ACYP2: variants seen among roughly 807,000 people sequenced by gnomAD.
ACYP2 encodes the protein acylphosphatase 2, also known as acylphosphatase-2.
ACYP2 carries 12 observed loss-of-function variants against 11.2 expected under a neutral mutation model. That is an observed-to-expected ratio of 1.08 (90% confidence interval 0.69 to 1.74). ACYP2 has a LOEUF of 1.74. Among genes scored for constraint, ACYP2 ranks in the 40% most tolerant of loss-of-function variants. ACYP2 has a pLI of 0.00. For missense variants in ACYP2, 134 were observed against 101.9 expected, an observed-to-expected ratio of 1.31 and a Z score of -1.35; for synonymous variants, 43 against 32.2, an observed-to-expected ratio of 1.33 and a Z score of -1.13.
chr2:54,164,988 G>C (rs1410324641), intron 6 of ACYP2, among the ~76,000 whole-genome samples: 3 of 152,178 alleles, frequency 2.0e-5, no homozygotes, highest in Non-Finnish European at 2.9e-5. Context: ...GTGTTAGTTT[G>C]CTGAGAATGA....
chr2:54,131,900 G>A (rs936041162), intron 4 of ACYP2, among the ~76,000 whole-genome samples: 2 of 152,082 alleles, frequency 1.3e-5, no homozygotes, highest in Admixed American at 1.3e-4. Context: ...CTTGGAGGAG[G>A]GGCCCAAGAA....
intron 4 of ACYP2, 72 bp from the exon 1 acceptor site, chr2:54,115,543 G>C (rs1257663253): frequency 6.0e-6 from 9 of 1,509,434 alleles, no homozygotes; most frequent in Non-Finnish European, 8.0e-6. Context: ...CTCATTTGCC[G>C]CTTCCGACGC....
chr2:54,002,359 T>A, intron 2 of ACYP2, among the ~76,000 whole-genome samples: 1 of 152,110 alleles, frequency 6.6e-6, no homozygotes, highest in East Asian at 1.9e-4. Flanking sequence ...TCTTTTTTTT[T>A]TTTTGAGACG....
At chr2:54,084,342 T>A (rs1455501550) in intron 4 of ACYP2, among the ~76,000 whole-genome samples, 1 of 152,248 alleles carries the variant, frequency 6.6e-6, no homozygotes, top group Admixed American at 6.5e-5. Flanking sequence ...TCGTCCAGGC[T>A]GGAGTGCAGT....
chr2:53,972,137 G>C (rs1215185857), intron 1 of ACYP2, among the ~76,000 whole-genome samples: 1 of 151,418 alleles, frequency 6.6e-6, no homozygotes, highest in Non-Finnish European at 1.5e-5. Context: ...GTGAAACCCC[G>C]TCTCTACTAA....
chr2:53,984,677 A>G (rs1243023362), intron 2 of ACYP2, among the ~76,000 whole-genome samples: 2 of 151,158 alleles, frequency 1.3e-5, no homozygotes, highest in African/African-American at 2.4e-5. Context: ...TATATAAAAT[A>G]CATTGGGACC....
intron 2 of ACYP2, among the ~76,000 whole-genome samples, chr2:53,975,839 CA>C (rs1048570662): frequency 6.6e-6 from 1 of 151,320 alleles, no homozygotes; most frequent in South Asian, 2.1e-4. Flanking sequence ...AACAAACAAA[CA>C]AAAAAAACAG....
intron 4 of ACYP2, among the ~76,000 whole-genome samples, chr2:54,113,865 G>A (rs192011822): frequency 9.4e-4 from 143 of 152,020 alleles, no homozygotes; most frequent in African/African-American, 3.1e-3. Flanking sequence ...GAAGACCTTA[G>A]GTTCTATTTT....
At chr2:54,087,909 T>C (rs886333972) in intron 4 of ACYP2, among the ~76,000 whole-genome samples, 44 of 128,096 alleles carry the variant, frequency 3.4e-4, no homozygotes, top group Non-Finnish European at 7.5e-4. Context: ...AGATTAAGGA[T>C]ATAAAAAGTG....
At chr2:53,990,513 G>A (rs1672236895) in intron 2 of ACYP2, among the ~76,000 whole-genome samples, 1 of 151,434 alleles carries the variant, frequency 6.6e-6, no homozygotes, top group South Asian at 2.1e-4. Flanking sequence ...GCTGGGCGTG[G>A]TGGCGGCCAC....
chr2:54,083,424 G>A (rs1025403020), intron 4 of ACYP2, among the ~76,000 whole-genome samples: 2 of 152,182 alleles, frequency 1.3e-5, no homozygotes, highest in Non-Finnish European at 2.9e-5. Context: ...TCTGTGAGCC[G>A]TAAAGACTTT....
At chr2:54,235,474 G>C (rs1395848653) in intron 6 of ACYP2, among the ~76,000 whole-genome samples, 1 of 152,084 alleles carries the variant, frequency 6.6e-6, no homozygotes, top group East Asian at 1.9e-4. Context: ...TCAGCCTCCA[G>C]AGTAGCTGGG....
At chr2:53,994,292 T>A (rs1355127287) in intron 2 of ACYP2, among the ~76,000 whole-genome samples, 4 of 125,864 alleles carry the variant, frequency 3.2e-5, no homozygotes, top group African/African-American at 1.3e-4. Context: ...ATCGCGCCCC[T>A]GCACTCTAGC....
intron 6 of ACYP2, among the ~76,000 whole-genome samples, chr2:54,251,319 T>C (rs1355933559): frequency 6.6e-6 from 1 of 152,190 alleles, no homozygotes; most frequent in African/African-American, 2.4e-5. Context: ...TACTTTTAAA[T>C]TGGCCTTTTT....
At chr2:53,982,641 T>G (rs1421372226) in intron 2 of ACYP2, among the ~76,000 whole-genome samples, 1 of 152,196 alleles carries the variant, frequency 6.6e-6, no homozygotes, top group Admixed American at 6.6e-5. Flanking sequence ...TTTTGAAAGG[T>G]GCGACTTATA....
chr2:54,217,942 C>T lies in ACYP2; in HGVS notation c.404+79194C>T, dbSNP rs570082009. Among the ~76,000 whole-genome samples the T allele has an allele frequency of 5.9e-5, 9 of 152,314 alleles. No homozygotes were observed. The South Asian group carries it at 1.9e-3, about 32-fold the overall frequency. On this transcript the variant is annotated intron_variant, in intron 6 of 6. Coordinates refer to ENST00000607452, the MANE Select transcript of ACYP2 (RefSeq NM_001320586.2). The stretch of plus-strand genomic sequence containing the variant: ...TATTTATCTTCCCCAAATATACCAT[C>T]TCACTGTATTACCTTCTGGTAATAT...
At chr2:54,255,391 G>C in intron 6 of ACYP2, 1 of 1,614,054 alleles carries the variant, frequency 6.2e-7, no homozygotes, top group Non-Finnish European at 8.5e-7. Context: ...GCGGAAAGCA[G>C]TGACCCAGAA....
chr2:54,032,621 T>A (rs1674645632), intron 2 of ACYP2, among the ~76,000 whole-genome samples: 1 of 152,198 alleles, frequency 6.6e-6, no homozygotes, highest in Non-Finnish European at 1.5e-5. Context: ...TCTTTTTTGG[T>A]TCCATATGAA....
intron 2 of ACYP2, among the ~76,000 whole-genome samples, chr2:54,023,338 AAG>A (rs942767433): frequency 3.3e-4 from 51 of 152,240 alleles, no homozygotes; most frequent in African/African-American, 1.1e-3. Context: ...AATTTTTTTT[AAG>A]AGAGGGGTCT....
Sources: gnomAD v4.1 joint callset for allele counts (sites outside exome capture counted in the v4.1 genomes callset) on GRCh38, gnomAD v4.1.1 for gene constraint, MANE v1.5 for transcripts, NCBI Gene and HGNC (gene_info 2026-07-23, HGNC 2026-07-21) for gene names.